Variants in HIP1 observed in about 807,000 individuals in gnomAD.
HIP1 encodes huntingtin interacting protein 1.
A neutral mutation model predicts 147.6 loss-of-function variants in HIP1; 65 were observed. That is an observed-to-expected ratio of 0.44 (90% CI 0.36 to 0.54). The LOEUF (loss-of-function observed/expected upper bound fraction) is 0.54, where lower values mean the gene tolerates loss of function less well. Among genes scored for constraint, HIP1 ranks in the 20% least tolerant of loss-of-function variants. The pLI, the probability that HIP1 is intolerant of heterozygous loss-of-function variation, is 0.00. For missense variants in HIP1, 1,061 were observed against 1,299.6 expected (o/e 0.82, Z 2.82); for synonymous variants, 479 against 504.0 (o/e 0.95, Z 0.67).
intron 1 of HIP1, among the ~76,000 whole-genome samples, chr7:75,652,967 GGTCAGC>G (rs1336414177): frequency 7.9e-5 from 12 of 152,148 alleles, no homozygotes; most frequent in Non-Finnish European, 1.8e-4. Context: ...GTGCTCCTGA[GGTCAGC>G]TGAGTGTGAC....
chr7:75,609,648 C>A (rs1174483481), intron 1 of HIP1, among the ~76,000 whole-genome samples: 1 of 151,874 alleles, frequency 6.6e-6, no homozygotes, highest in Admixed American at 6.6e-5. Flanking sequence ...ACCTCCTCCT[C>A]CCTGGTTCAA....
At chr7:75,659,237 G>A (rs1210006402) in intron 1 of HIP1, among the ~76,000 whole-genome samples, 6 of 152,170 alleles carry the variant, frequency 3.9e-5, no homozygotes, top group Non-Finnish European at 8.8e-5. Context: ...CATCCCCCAC[G>A]CTGGTGCCTA....
In HIP1 at chr7:75,537,500, G is replaced by A. The variant is rs1794130007; in HGVS notation, c.*672C>T. On this transcript the variant is annotated 3_prime_UTR_variant, in exon 31 of 31. Coordinates refer to ENST00000336926, the MANE Select transcript of HIP1 (RefSeq NM_005338.7). Reference sequence around the variant, plus strand: ...AGGGGTGTGCCCTTTGGGAGAGTTGGCTATGTGAGTGAAACTTAAAAAAAA... The same window carrying A: ...AGGGGTGTGCCCTTTGGGAGAGTTGACTATGTGAGTGAAACTTAAAAAAAA... The A allele has an allele frequency of 8.6e-6, 2 of 231,974 alleles. No individual in the cohort carries two copies. The highest frequency in any genetic ancestry group is 1.7e-5 in the Non-Finnish European group (2 of 117,628). 14.4% of individuals were successfully genotyped at this position (231,974 alleles called of 1,614,324 possible).
chr7:75,720,892 G>T (rs1455110071), intron 1 of HIP1, among the ~76,000 whole-genome samples: 1 of 151,950 alleles, frequency 6.6e-6, no homozygotes, highest in Non-Finnish European at 1.5e-5. Context: ...TACAAAATTA[G>T]CTGGGTGTGG....
intron 22 of HIP1, 133 bp downstream of exon 22, chr7:75,553,320 T>C: frequency 2.5e-6 from 3 of 1,208,034 alleles, no homozygotes. Flanking sequence ...TTTCCAATTT[T>C]AACAATCTCT....
rs1234650585 is a variant in HIP1, at chr7:75,539,492, T to G, written c.2953-61A>C. 2.2e-6 allele frequency: 3 copies of G among 1,344,818 alleles called. No individual in the cohort carries two copies. The African/African-American group carries it at 4.4e-5, about 20-fold the overall frequency. 83.3% of individuals were successfully genotyped at this position (1,344,818 alleles called of 1,614,324 possible). On this transcript the variant is annotated intron_variant, in intron 29 of 30. Transcript: ENST00000336926. ...ATCTCTCAGAGATTTAATTTTTATT[T>G]ATTTTTTTATAGAGATGGGGTCTTG...
rs373998697 is a variant in HIP1 at position 75,672,057 on chromosome 7, A to G, written c.120+66744T>C. 2.1e-4 allele frequency among the ~76,000 whole-genome samples: 32 copies of G among 152,222 alleles called. No individual in the cohort carries two copies. In the East Asian group the frequency reaches 4.5e-3, roughly 21 times the overall value. ...GCCAATTTTCATGTTTTTCTATAGT[A>G]GCCATCCTAACAGATGTGAGGTGTT... On this transcript the variant is annotated intron_variant, in intron 1 of 30. Transcript: ENST00000336926.
chr7:75,632,866 T>C (rs62475463), intron 1 of HIP1, among the ~76,000 whole-genome samples: 2,908 of 152,290 alleles, frequency 0.019, 37 homozygotes, highest in Non-Finnish European at 0.032. Context: ...GGGACATGGA[T>C]GGAGCTGGAA....
At chr7:75,572,944 C>CAG (rs1563212276) in intron 8 of HIP1, among the ~76,000 whole-genome samples, 6 of 152,238 alleles carry the variant, frequency 3.9e-5, no homozygotes, top group African/African-American at 1.4e-4. Context: ...TGGCTTCTCC[C>CAG]TGCTGTCGGC....
At chr7:75,723,214 T>TA (rs1385765316) in intron 1 of HIP1, among the ~76,000 whole-genome samples, 24 of 152,096 alleles carry the variant, frequency 1.6e-4, no homozygotes, top group African/African-American at 4.6e-4. Flanking sequence ...CTACTAAAGA[T>TA]ACAAAAAATT....
intron 1 of HIP1, among the ~76,000 whole-genome samples, chr7:75,688,378 C>T (rs573013772): frequency 1.3e-5 from 2 of 151,974 alleles, no homozygotes; most frequent in South Asian, 4.2e-4. Context: ...CGGCCGGGGG[C>T]GCGCCGGGTC....
rs782812732 is a variant in HIP1, at chr7:75,553,440, C to T, written c.2295+13G>A. 2.6e-5 allele frequency: 42 copies of T among 1,613,336 alleles called. No individual in the cohort carries two copies. Among genetic ancestry groups the T allele is most frequent in the Non-Finnish European group, 3.4e-5 (40 of 1,179,796 alleles). On this transcript the variant is annotated intron_variant, in intron 22 of 30. Transcript: ENST00000336926. ...AGAATAACAATGCTCCTCAATGATACTACTCCAAGTACCTCGCCGATGGCC... is the reference window on the plus strand; with the variant it reads ...AGAATAACAATGCTCCTCAATGATATTACTCCAAGTACCTCGCCGATGGCC...
At chr7:75,678,192 T>G (rs1554516328) in intron 1 of HIP1, among the ~76,000 whole-genome samples, 1 of 152,144 alleles carries the variant, frequency 6.6e-6, no homozygotes, top group Non-Finnish European at 1.5e-5. Context: ...AAAAATGAAG[T>G]GGCCCCTATG....
chr7:75,558,927 G>C (rs1282863461), intron 14 of HIP1, among the ~76,000 whole-genome samples: 2 of 152,124 alleles, frequency 1.3e-5, no homozygotes, highest in Non-Finnish European at 2.9e-5. Flanking sequence ...GCTGAGGCAG[G>C]ACAATCCCTT....
intron 1 of HIP1, among the ~76,000 whole-genome samples, chr7:75,682,200 A>C (rs1468659234): frequency 1.1e-5 from 1 of 93,270 alleles, no homozygotes; most frequent in Non-Finnish European, 2.2e-5. Flanking sequence ...CTCATGATCC[A>C]CCCACCTGGC....
rs782688562 is a variant in HIP1 at position 75,544,752 on chromosome 7, T to C, written c.2709A>G (p.Leu903=). The change falls in exon 27 of 31, where the codon CTA becomes CTG. Residue 903 remains leucine (L), a synonymous_variant. Coordinates refer to ENST00000336926, the MANE Select transcript of HIP1 (RefSeq NM_005338.7). ...CAGCAATTTCATGAGAACACACCAT[T>C]AGCTCCTCAAATTTCCCTCTGCCTT... ...VVQGRGKFEE[L]MVCSHEIAAS... is the part of the protein sequence containing the mutation. 13 of 1,613,750 alleles carry C rather than the reference T, an allele frequency of 8.1e-6. No individual in the cohort carries two copies. In the Admixed American group the frequency reaches 2.2e-4, roughly 27 times the overall value.
In HIP1 at chr7:75,717,461, T is replaced by C. The variant is rs1295549930; in HGVS notation, c.120+21340A>G. ...TTTGTCATGGGAAGTGAGGGGATAT[T>C]TGAGTAAGTGAATGTTGGATCTTTA... On this transcript the variant is annotated intron_variant, in intron 1 of 30. Coordinates refer to ENST00000336926, the MANE Select transcript of HIP1 (RefSeq NM_005338.7). Among the ~76,000 whole-genome samples the C allele has an allele frequency of 3.3e-5, 5 of 151,980 alleles. No homozygotes were observed. In the East Asian group the frequency reaches 9.7e-4, roughly 29 times the overall value.
In HIP1 at chr7:75,536,699, C is replaced by T. The variant is rs1165376489; in HGVS notation, c.*1473G>A. ...CTGGCTCTGTCCTTTCTCATTTTCT[C>T]TGACCCAAGAGCTCCAAATGATCTC... is the stretch of plus-strand genomic sequence containing the variant. On this transcript the variant is annotated 3_prime_UTR_variant, in exon 31 of 31. Transcript: ENST00000336926. The T allele has an allele frequency of 4.4e-6, 1 of 228,458 alleles. No individual in the cohort carries two copies. Among genetic ancestry groups the T allele is most frequent in the African/African-American group, 2.2e-5 (1 of 45,062 alleles). The allele number at this position is 228,458 out of a possible 1,614,324, so 14.2% of individuals were successfully genotyped here.
chr7:75,709,109 C>CTTTTTTTTTTTTTTTTTCTT (rs55720152), intron 1 of HIP1, among the ~76,000 whole-genome samples: 1 of 131,440 alleles, frequency 7.6e-6, no homozygotes, highest in Non-Finnish European at 1.6e-5. Flanking sequence ...TTTTTCTTTT[C>CTTTTTTTTTTTTTTTTTCTT]TTTTTTTTTT....
Sources: allele counts gnomAD v4.1 joint callset (sites outside exome capture counted in the v4.1 genomes callset), GRCh38; gene constraint gnomAD v4.1.1; transcripts MANE v1.5; gene names NCBI Gene and HGNC (gene_info 2026-07-23, HGNC 2026-07-21).